The following NDUFS4 variants were observed in gnomAD, a reference collection of about 807,000 sequenced individuals.
NDUFS4 encodes NADH:ubiquinone oxidoreductase subunit S4.
Under a neutral mutation model 24.3 loss-of-function variants are expected in NDUFS4, and 28 were observed. That is an observed-to-expected ratio of 1.15 (90% CI 0.85 to 1.58). The LOEUF (loss-of-function observed/expected upper bound fraction) is 1.58. Ranked by LOEUF, NDUFS4 falls within the 40% of genes most tolerant of loss-of-function variation. NDUFS4 has a pLI of 0.00. For missense variants in NDUFS4, 223 were observed against 207.9 expected (o/e 1.07, Z -0.45); for synonymous variants, 93 against 69.7 (o/e 1.34, Z -1.67).
intron 2 of NDUFS4, among the ~76,000 whole-genome samples, chr5:53,638,910 A>G (rs897983996): frequency 4.6e-5 from 7 of 152,052 alleles, no homozygotes; most frequent in African/African-American, 1.4e-4. Context: ...ATGTAAATGA[A>G]TTCATTCAGT....
chr5:53,607,760 G>C (rs1307062382), intron 2 of NDUFS4, among the ~76,000 whole-genome samples: 1 of 152,022 alleles, frequency 6.6e-6, no homozygotes, highest in Non-Finnish European at 1.5e-5. Flanking sequence ...ATGATAATGA[G>C]TTTTCTTCAT....
intron 2 of NDUFS4, among the ~76,000 whole-genome samples, chr5:53,641,157 A>G (rs1751696187): frequency 6.6e-6 from 1 of 152,128 alleles, no homozygotes; most frequent in African/African-American, 2.4e-5. Context: ...CACATATGTT[A>G]TTTAGTACTC....
At chr5:53,630,713 G>T (rs902801140) in intron 2 of NDUFS4, among the ~76,000 whole-genome samples, 5 of 152,014 alleles carry the variant, frequency 3.3e-5, no homozygotes, top group African/African-American at 1.2e-4. Context: ...TTCTCTTGCT[G>T]CATTTTTCAG....
chr5:53,646,407 T>C lies in NDUFS4; in HGVS notation c.350+2T>C. ...TCCTTTGATGGGTTGGGCATCAACG[T>C]GAGTACTTTATTTTAATGTGAATAT... On this transcript the variant is annotated splice_donor_variant, in intron 3 of 4. Transcript: ENST00000296684. LOFTEE classifies it high-confidence loss of function. 1 of 1,612,982 alleles carries C rather than the reference T, an allele frequency of 6.2e-7. No individual in the cohort carries two copies. The highest frequency in any genetic ancestry group is 1.1e-5 in the South Asian group (1 of 91,040).
intron 3 of NDUFS4, among the ~76,000 whole-genome samples, chr5:53,652,960 T>C (rs1383188971): frequency 6.6e-6 from 1 of 152,112 alleles, no homozygotes; most frequent in Non-Finnish European, 1.5e-5. Flanking sequence ...TACAATCTTT[T>C]ATCTTTTAGG....
intron 4 of NDUFS4, among the ~76,000 whole-genome samples, chr5:53,661,453 C>T (rs1336452799): frequency 6.6e-6 from 1 of 152,124 alleles, no homozygotes; most frequent in African/African-American, 2.4e-5. Context: ...CAGCTTTGTT[C>T]TTTTGGCTTA....
intron 2 of NDUFS4, among the ~76,000 whole-genome samples, chr5:53,603,969 C>CAT (rs1750416930): frequency 6.6e-6 from 1 of 152,048 alleles, no homozygotes; most frequent in South Asian, 2.1e-4. Context: ...AACACATACA[C>CAT]ACACATTTTA....
At chr5:53,677,964 A>ATTTTATTT (rs1305209645) in intron 4 of NDUFS4, among the ~76,000 whole-genome samples, 2 of 152,222 alleles carry the variant, frequency 1.3e-5, no homozygotes, top group Non-Finnish European at 1.5e-5. Flanking sequence ...GCAATAAAAG[A>ATTTTATTT]ACTGATGGAT....
intron 1 of NDUFS4, among the ~76,000 whole-genome samples, chr5:53,600,614 G>A (rs1750281947): frequency 6.6e-6 from 1 of 152,078 alleles, no homozygotes; most frequent in African/African-American, 2.4e-5. Flanking sequence ...CAGCCCGGTA[G>A]GTATAATTTA....
intron 4 of NDUFS4, among the ~76,000 whole-genome samples, chr5:53,668,473 G>A (rs1016586403): frequency 2.0e-5 from 3 of 151,584 alleles, no homozygotes; most frequent in East Asian, 3.9e-4. Flanking sequence ...GGGGTTCGGG[G>A]CTGGAGACAG....
chr5:53,618,315 C>T (rs545244396), intron 2 of NDUFS4, among the ~76,000 whole-genome samples: 1 of 152,196 alleles, frequency 6.6e-6, no homozygotes, highest in East Asian at 1.9e-4. Context: ...TCATTATTCA[C>T]TAAAAAGTGT....
chr5:53,681,934 G>A (rs1456833336), intron 4 of NDUFS4, among the ~76,000 whole-genome samples: 4 of 152,020 alleles, frequency 2.6e-5, no homozygotes, highest in Admixed American at 6.6e-5. Flanking sequence ...CTATTGAAAT[G>A]TAAGCTTTGT....
intron 2 of NDUFS4, among the ~76,000 whole-genome samples, chr5:53,619,114 AAATAAT>A (rs574681564): frequency 8.1e-5 from 12 of 148,984 alleles, no homozygotes; most frequent in South Asian, 2.1e-4. Flanking sequence ...ACTGTCTCCA[AAATAAT>A]AATAATAATA....
chr5:53,590,113 A>G lies in NDUFS4; in HGVS notation c.99-13339A>G, dbSNP rs114087793. ...GAATTACGCATGATTGATTGGTAGAATGATTTTTTTAAAAAAATGCCAAAT... is the reference window on the plus strand; with the variant it reads ...GAATTACGCATGATTGATTGGTAGAGTGATTTTTTTAAAAAAATGCCAAAT... On this transcript the variant is annotated intron_variant, in intron 1 of 4. Transcript: ENST00000296684. 8.3e-3 allele frequency among the ~76,000 whole-genome samples: 1,257 copies of G among 152,298 alleles called. 16 individuals carry two copies. The highest frequency in any genetic ancestry group is 0.029 in the African/African-American group (1,185 of 41,548).
At chr5:53,582,283 A>G (rs1049893791) in intron 1 of NDUFS4, among the ~76,000 whole-genome samples, 1 of 152,132 alleles carries the variant, frequency 6.6e-6, no homozygotes, top group Non-Finnish European at 1.5e-5. Flanking sequence ...ATACACATTT[A>G]AGAAAGATGA....
At chr5:53,677,377 T>C (rs1165550839) in intron 4 of NDUFS4, among the ~76,000 whole-genome samples, 1 of 152,142 alleles carries the variant, frequency 6.6e-6, no homozygotes, top group African/African-American at 2.4e-5. Flanking sequence ...CCTTATTTGC[T>C]TGTTTAAATC....
At chr5:53,656,223 T>C (rs1306548109) in intron 3 of NDUFS4, among the ~76,000 whole-genome samples, 1 of 151,564 alleles carries the variant, frequency 6.6e-6, no homozygotes, top group Non-Finnish European at 1.5e-5. Context: ...TTATTTTTTT[T>C]TTCTATTAGT....
chr5:53,591,020 A>G (rs1053641616), intron 1 of NDUFS4, among the ~76,000 whole-genome samples: 1 of 152,236 alleles, frequency 6.6e-6, no homozygotes, highest in Non-Finnish European at 1.5e-5. Context: ...CCATATAAAT[A>G]GAATCATATA....
At chr5:53,592,014 C>G (rs1749980537) in intron 1 of NDUFS4, among the ~76,000 whole-genome samples, 1 of 152,006 alleles carries the variant, frequency 6.6e-6, no homozygotes, top group Admixed American at 6.6e-5. Context: ...TCTTGGCTCA[C>G]TGTAACCTCT....
Sources: allele counts gnomAD v4.1 joint callset (sites outside exome capture counted in the v4.1 genomes callset), GRCh38; gene constraint gnomAD v4.1.1; transcripts MANE v1.5; gene names NCBI Gene and HGNC (gene_info 2026-07-23, HGNC 2026-07-21).